Variants in ZBTB7B observed in about 807,000 individuals in gnomAD.
ZBTB7B encodes the protein zinc finger and BTB domain-containing protein 7B.
A neutral mutation model predicts 31.0 loss-of-function variants in ZBTB7B; 8 were observed. That is an observed-to-expected ratio of 0.26 (90% CI 0.15 to 0.47). The LOEUF is 0.47. Among genes scored for constraint, ZBTB7B ranks in the 20% least tolerant of loss-of-function variants. ZBTB7B has a pLI of 0.99. For synonymous variants in ZBTB7B, 261 were observed against 307.3 expected, an observed-to-expected ratio of 0.85 and a Z score of 1.58; for missense variants, 494 against 742.4, an observed-to-expected ratio of 0.67 and a Z score of 3.89.
In ZBTB7B at chr1:155,003,420, TG is replaced by T. The variant is rs573423072; in HGVS notation, c.-7+484del. On this transcript the variant is annotated intron_variant, in intron 1 of 2. Transcript: ENST00000535420. The surrounding 1 kb of genome is among the most constrained non-coding windows in gnomAD (Gnocchi z 5.8). Reference sequence around the variant, plus strand: ...GGCCCCAGGCCAGTTGCATGGGGGTTGGGGGGGCGCAGGAGGAGCCGCGGCT... The same window carrying T: ...GGCCCCAGGCCAGTTGCATGGGGGTTGGGGGGCGCAGGAGGAGCCGCGGCT... 4.6e-5 allele frequency among the ~76,000 whole-genome samples: 7 copies of T among 151,704 alleles called. No homozygotes were observed. Among genetic ancestry groups the T allele is most frequent in the African/African-American group, 7.3e-5 (3 of 41,308 alleles).
In ZBTB7B at chr1:155,016,568, C is replaced by G. The variant is rs1659427883; in HGVS notation, c.1503C>G (p.Phe501Leu). ...LDTFRLSLARFWEQSAPTGPP... is the reference protein window; with the variant it reads ...LDTFRLSLARLWEQSAPTGPP... ...CCTTCCGCCTCTCTCTAGCTCGATT[C>G]TGGGAGCAGTCAGCCCCCACTGGGC... Residue 501 changes from phenylalanine (F) to leucine (L), a missense_variant, in exon 3 of 3, where the codon TTC (phenylalanine) becomes TTG (leucine). By Grantham distance (22) the Phe-to-Leu change is conservative (BLOSUM62 0). Transcript: ENST00000535420. This position sits in a 1 kb window ranked among gnomAD's most constrained non-coding sequence, Gnocchi z 4.3. 6.2e-7 allele frequency: 1 copy of G among 1,614,052 alleles called. No homozygotes were observed. Among genetic ancestry groups the G allele is most frequent in the African/African-American group, 1.3e-5 (1 of 75,050 alleles).
In ZBTB7B at chr1:155,004,637, A is replaced by G. The variant is rs113012729; in HGVS notation, c.-7+1694A>G. 0.04 allele frequency among the ~76,000 whole-genome samples: 6,093 copies of G among 152,070 alleles called. 129 individuals are homozygous for G. The highest frequency in any genetic ancestry group is 0.082 in the Middle Eastern group (24 of 294). On this transcript the variant is annotated intron_variant, in intron 1 of 2. Transcript: ENST00000535420. This position sits in a 1 kb window ranked among gnomAD's most constrained non-coding sequence, Gnocchi z 4.0. ...GGGACATATGTGTGACTATGTCTGG[A>G]TGATAGTTAGTGTTCCTCCTTAGTG... is the stretch of plus-strand genomic sequence containing the variant.
chr1:155,015,243 C>G lies in ZBTB7B; in HGVS notation c.583C>G (p.Arg195Gly). 6.2e-7 allele frequency: 1 copy of G among 1,613,744 alleles called. No homozygotes were observed. Among genetic ancestry groups the G allele is most frequent in the Non-Finnish European group, 8.5e-7 (1 of 1,179,998 alleles). Residue 195 changes from arginine (R) to glycine (G), a missense_variant, in exon 2 of 3, where the codon CGG becomes GGG. Transcript: ENST00000535420. ...PLPPPPPPPPRPVARRSRKPR... is the reference protein window; with the variant it reads ...PLPPPPPPPPGPVARRSRKPR... ...CCCACCACCTCCGCCACCGCCACCT[C>G]GGCCTGTTGCCCGCCGCAGCCGCAA...
At chr1:155,006,401 C>T (rs747301596) in intron 1 of ZBTB7B, among the ~76,000 whole-genome samples, 5 of 152,286 alleles carry the variant, frequency 3.3e-5, no homozygotes, top group African/African-American at 4.8e-5. Context: ...TCAGGCCTAG[C>T]CCTGATCTCC....
chr1:155,008,052 C>T (rs1031462922), intron 1 of ZBTB7B, among the ~76,000 whole-genome samples: 2 of 152,124 alleles, frequency 1.3e-5, no homozygotes, highest in Non-Finnish European at 2.9e-5. Flanking sequence ...CCAGGCGGGT[C>T]CCACCCAACC....
chr1:155,010,266 G>A (rs938025200), intron 1 of ZBTB7B: 1 of 152,974 alleles, frequency 6.5e-6, no homozygotes, highest in African/African-American at 2.4e-5. Context: ...AGGAGCCCCA[G>A]AACCAGGACT....
In ZBTB7B at chr1:155,015,605, G is replaced by A. The variant is rs760922003; in HGVS notation, c.945G>A (p.Met315Ile). 219 of 1,613,770 alleles carry A rather than the reference G, an allele frequency of 1.4e-4. No individual in the cohort carries two copies. The highest frequency in any genetic ancestry group is 1.3e-4 in the Non-Finnish European group (151 of 1,180,002). ...SDEDAIDPDL[M>I]AYLSSLHQDN... ...AGGATGCCATCGATCCTGACCTGAT[G>A]GCCTACCTAAGCTCCCTGCACCAGG... Residue 315 changes from methionine (M) to isoleucine (I), a missense_variant, in exon 2 of 3, where the codon ATG (methionine) becomes ATA (isoleucine). Physicochemically the swap from Met to Ile is conservative, Grantham distance 10. Transcript: ENST00000535420.
Position 155,003,779 on chromosome 1 carries a change from C to A in ZBTB7B, c.-7+836C>A, listed in dbSNP as rs1658391501. On this transcript the variant is annotated intron_variant, in intron 1 of 2. Transcript: ENST00000535420. The surrounding 1 kb of genome is among the most constrained non-coding windows in gnomAD (Gnocchi z 5.8). ...TGTAGAACCTACAGAGTGCGCCTGG[C>A]AGAAGGCTGCCATTCAAAGGGGTGG... 6.6e-6 allele frequency among the ~76,000 whole-genome samples: 1 copy of A among 152,236 alleles called. No homozygotes were observed. The highest frequency in any genetic ancestry group is 6.5e-5 in the Admixed American group (1 of 15,294).
At chr1:155,009,861 G>A (rs891433232) in intron 1 of ZBTB7B, among the ~76,000 whole-genome samples, 3 of 152,114 alleles carry the variant, frequency 2.0e-5, no homozygotes, top group African/African-American at 7.2e-5. Context: ...AAGTGGAGAA[G>A]TTTGAGCAAG....
intron 1 of ZBTB7B, chr1:155,011,088 T>A: frequency 7.6e-7 from 1 of 1,311,636 alleles, no homozygotes. Flanking sequence ...TTTTCTCTGC[T>A]GCTAATCCTG....
Position 155,010,040 on chromosome 1 carries a change from GA to G in ZBTB7B, c.-6-4613del, listed in dbSNP as rs142837832. Among the ~76,000 whole-genome samples the G allele has an allele frequency of 3.8e-3, 579 of 152,202 alleles. 4 individuals are homozygous for G. Among genetic ancestry groups the G allele is most frequent in the African/African-American group, 0.013 (546 of 41,518 alleles). ...GGTCGGAGGAGGCAATGAGGGGACA[GA>G]ACCAGGAGGCCAAGAGAGGGGCAAG... On this transcript the variant is annotated intron_variant, in intron 1 of 2. Coordinates refer to ENST00000535420, the MANE Select transcript of ZBTB7B (RefSeq NM_001256455.2).
In ZBTB7B at chr1:155,018,347, C is replaced by T; in HGVS notation, c.*1662C>T. The T allele has an allele frequency of 1.6e-6, 1 of 607,732 alleles. No individual in the cohort carries two copies. The highest frequency in any genetic ancestry group is 2.9e-6 in the Non-Finnish European group (1 of 350,106). 37.6% of individuals were successfully genotyped at this position (607,732 alleles called of 1,614,324 possible). On this transcript the variant is annotated 3_prime_UTR_variant, in exon 3 of 3. Transcript: ENST00000535420. Reference sequence around the variant, plus strand: ...GGGGGGAGCCCAGGGCTGGGGAGACCTGGGGCCCAGCCCCAGAAAGTGGGG... The same window carrying T: ...GGGGGGAGCCCAGGGCTGGGGAGACTTGGGGCCCAGCCCCAGAAAGTGGGG...
chr1:155,014,072 C>T (rs1659186425), intron 1 of ZBTB7B: 2 of 986,438 alleles, frequency 2.0e-6, no homozygotes, highest in Non-Finnish European at 2.4e-6. Context: ...TGTGCCTGGC[C>T]TCCAGCAGAT....
intron 1 of ZBTB7B, chr1:155,014,442 A>T: frequency 1.7e-6 from 1 of 594,348 alleles, no homozygotes; most frequent in Non-Finnish European, 2.9e-6. Flanking sequence ...AACTTGGAAA[A>T]TCACTTCACC....
In ZBTB7B at chr1:155,015,698, G is replaced by A. The variant is rs775109575; in HGVS notation, c.1038G>A (p.Gln346=). ...GCAAACGCCGCTCCCAGATGCCTCAGGAGTGCCCTGTCTGCCACAAGATCA... is the reference window on the plus strand; with the variant it reads ...GCAAACGCCGCTCCCAGATGCCTCAAGAGTGCCCTGTCTGCCACAAGATCA... ...LVRKRRSQMP[Q]ECPVCHKIIH... The change falls in exon 2 of 3, where the codon CAG becomes CAA. Residue 346 remains glutamine (Q), a synonymous_variant. Coordinates refer to ENST00000535420, the MANE Select transcript of ZBTB7B (RefSeq NM_001256455.2). 7 of 1,612,642 alleles carry A rather than the reference G, an allele frequency of 4.3e-6. No homozygotes were observed. The highest frequency in any genetic ancestry group is 5.9e-6 in the Non-Finnish European group (7 of 1,180,028).
At position 155,015,898 on chromosome 1, in the gene ZBTB7B, C is replaced by T. The variant is rs370205232; in HGVS notation, c.1154+84C>T. On this transcript the variant is annotated intron_variant, in intron 2 of 2. Coordinates refer to ENST00000535420, the MANE Select transcript of ZBTB7B (RefSeq NM_001256455.2). ...GAGATGGGGAAGAAGTTAGGAGACC[C>T]GAGGTGGTGGTAGGTGGTCCTGGAG... is the stretch of plus-strand genomic sequence containing the variant. The T allele has an allele frequency of 3.3e-6, 5 of 1,513,232 alleles. No individual in the cohort carries two copies. In the South Asian group the frequency reaches 3.8e-5, roughly 11 times the overall value. 93.7% of individuals were successfully genotyped at this position (1,513,232 alleles called of 1,614,324 possible).
chr1:155,010,987 CCT>C (rs1658929918), intron 1 of ZBTB7B: 2 of 1,535,660 alleles, frequency 1.3e-6, no homozygotes, highest in Middle Eastern at 1.7e-4. Context: ...TGGCCAGGCC[CCT>C]CTCAGGCTCC....
Position 155,016,171 on chromosome 1 carries a change from G to A in ZBTB7B, c.1155-49G>A. The A allele has an allele frequency of 6.4e-7, 1 of 1,570,352 alleles. No individual in the cohort carries two copies. Among genetic ancestry groups the A allele is most frequent in the Non-Finnish European group, 8.7e-7 (1 of 1,150,488 alleles). ...AGGGTGGGATGACCAGGAGGAGCCA[G>A]GGATCCCATCCTGAACACCTCCCTG... On this transcript the variant is annotated intron_variant, in intron 2 of 2. Coordinates refer to ENST00000535420, the MANE Select transcript of ZBTB7B (RefSeq NM_001256455.2). The surrounding 1 kb of genome is among the most constrained non-coding windows in gnomAD (Gnocchi z 4.3).
intron 1 of ZBTB7B, among the ~76,000 whole-genome samples, chr1:155,007,129 C>T (rs1397684647): frequency 3.3e-5 from 5 of 152,220 alleles, no homozygotes; most frequent in East Asian, 1.9e-4. Context: ...CTGCATCCCC[C>T]CACTTTATTC....
Sources: gnomAD v4.1 joint callset for allele counts (sites outside exome capture counted in the v4.1 genomes callset) on GRCh38, gnomAD v4.1.1 for gene constraint, Gnocchi (gnomAD v3.1) non-coding constraint, MANE v1.5 for transcripts, NCBI Gene and HGNC (gene_info 2026-07-23, HGNC 2026-07-21) for gene names.